The following JAK2 variants were observed in gnomAD, a reference collection of about 807,000 sequenced individuals.
JAK2 encodes the protein Janus kinase 2.
JAK2 carries 86 observed loss-of-function variants against 139.3 expected under a neutral mutation model. The ratio of observed to expected loss-of-function variants is 0.62; its 90% CI spans 0.52 to 0.74. The LOEUF (loss-of-function observed/expected upper bound fraction) is 0.74, where lower values mean the gene tolerates loss of function less well. JAK2 is among the 30% of genes least tolerant of loss of function. JAK2 has a pLI of 0.00. For synonymous variants in JAK2, 490 were observed against 437.7 expected, an observed-to-expected ratio of 1.12 and a Z score of -1.49; for missense variants, 1,421 against 1,360.3, an observed-to-expected ratio of 1.04 and a Z score of -0.70.
At chr9:5,110,692 A>T in intron 22 of JAK2, 1 of 333,034 alleles carries the variant, frequency 3.0e-6, no homozygotes, top group Non-Finnish European at 5.9e-6. Context: ...AGCCCTTTCT[A>T]TTACTCTTAC....
chr9:5,021,497 G>C (rs1822426656), intron 2 of JAK2, among the ~76,000 whole-genome samples: 1 of 152,324 alleles, frequency 6.6e-6, no homozygotes, highest in East Asian at 1.9e-4. Flanking sequence ...TTCTTGCATT[G>C]TGCTTTGTAT....
At chr9:5,114,426 T>G (rs1262749917) in intron 22 of JAK2, 1 of 493,610 alleles carries the variant, frequency 2.0e-6, no homozygotes, top group Non-Finnish European at 4.0e-6. Context: ...GGGGGAGACC[T>G]ACCAGTGCAG....
intron 19 of JAK2, among the ~76,000 whole-genome samples, chr9:5,087,638 G>T (rs1171582576): frequency 6.6e-6 from 1 of 152,152 alleles, no homozygotes; most frequent in African/African-American, 2.4e-5. Flanking sequence ...AAGTGACAAG[G>T]ATTTAGAAAA....
chr9:5,029,659 ACTG>A (rs1466003455), intron 3 of JAK2, 121 bp from the exon 4 acceptor site: 10 of 777,590 alleles, frequency 1.3e-5, no homozygotes, highest in African/African-American at 5.3e-5. Context: ...AAAGATTTCG[ACTG>A]CTATTACATT....
At chr9:5,103,196 G>GAAGATCTACCAAGC (rs1821659095) in intron 22 of JAK2, among the ~76,000 whole-genome samples, 1 of 84,008 alleles carries the variant, frequency 1.2e-5, no homozygotes, top group Admixed American at 1.7e-4. Context: ...AGGGATGGAG[G>GAAGATCTACCAAGC]AAGATCTACC....
chr9:5,070,163 T>C (rs1818860136), intron 12 of JAK2, 111 bp downstream of exon 12: 7 of 658,060 alleles, frequency 1.1e-5, no homozygotes, highest in African/African-American at 1.9e-5. Context: ...ACAAATTTAG[T>C]TGTGATTTAA....
chr9:5,026,042 A>G (rs935738408), intron 3 of JAK2, among the ~76,000 whole-genome samples: 17 of 152,044 alleles, frequency 1.1e-4, no homozygotes, highest in African/African-American at 4.1e-4. Flanking sequence ...ACAAAGATCT[A>G]TTTTGCAAAG....
intron 22 of JAK2, chr9:5,094,180 G>A (rs1820800289): frequency 6.6e-6 from 1 of 151,966 alleles, no homozygotes. Context: ...TTACGCAAAG[G>A]ACCTGATACC....
At chr9:5,009,236 C>T (rs145716979) in intron 2 of JAK2, among the ~76,000 whole-genome samples, 6 of 151,988 alleles carry the variant, frequency 3.9e-5, no homozygotes, top group Non-Finnish European at 5.9e-5. Context: ...AAGGAGAGAA[C>T]GATCCATTTA....
chr9:5,127,602 G>A lies in JAK2; in HGVS notation c.*811G>A. On this transcript the variant is annotated 3_prime_UTR_variant, in exon 25 of 25. Coordinates refer to ENST00000381652, the MANE Select transcript of JAK2 (RefSeq NM_004972.4). ...CTCCAAATTTTTCTAAGACTACTAT[G>A]AACAGTTTTCTTTTAAAATTTTGAG... 4.3e-6 allele frequency: 1 copy of A among 231,672 alleles called. No individual in the cohort carries two copies. The highest frequency in any genetic ancestry group is 6.1e-5 in the East Asian group (1 of 16,434). 14.4% of individuals were successfully genotyped at this position (231,672 alleles called of 1,614,324 possible).
rs192262223 is a variant in JAK2, at chr9:5,101,889, A to C, written c.3059+10978A>C. On this transcript the variant is annotated intron_variant, in intron 22 of 24. Coordinates refer to ENST00000381652, the MANE Select transcript of JAK2 (RefSeq NM_004972.4). Reference sequence around the variant, plus strand: ...AAAAGGGCATCCACACCAAAACCCCATCTGTAGGTTACCAGCACCAAAGAC... The same window carrying C: ...AAAAGGGCATCCACACCAAAACCCCCTCTGTAGGTTACCAGCACCAAAGAC... 4.5e-3 allele frequency among the ~76,000 whole-genome samples: 686 copies of C among 152,344 alleles called. 7 individuals carry two copies. The highest frequency in any genetic ancestry group is 0.016 in the African/African-American group (657 of 41,576).
intron 5 of JAK2, among the ~76,000 whole-genome samples, chr9:5,047,537 G>A (rs1817095651): frequency 6.6e-6 from 1 of 152,098 alleles, no homozygotes; most frequent in African/African-American, 2.4e-5. Context: ...CATGTTCTTG[G>A]CATCATTTCT....
intron 22 of JAK2, among the ~76,000 whole-genome samples, chr9:5,101,787 C>T (rs1821509556): frequency 6.6e-6 from 1 of 152,298 alleles, no homozygotes; most frequent in East Asian, 1.9e-4. Flanking sequence ...CAGCAAACTC[C>T]AAGAGACCTG....
chr9:5,094,895 A>G (rs1348849083), intron 22 of JAK2: 6 of 152,190 alleles, frequency 3.9e-5, no homozygotes, highest in South Asian at 4.1e-4. Context: ...TCCGAACAGC[A>G]TACCTCCAAT....
chr9:5,115,119 G>A (rs538399880), intron 22 of JAK2, among the ~76,000 whole-genome samples: 2 of 152,254 alleles, frequency 1.3e-5, no homozygotes, highest in African/African-American at 4.8e-5. Flanking sequence ...TGATCAGAGT[G>A]AACAGGCTAC....
At chr9:5,031,781 G>A (rs192648466) in intron 4 of JAK2, among the ~76,000 whole-genome samples, 3 of 152,312 alleles carry the variant, frequency 2.0e-5, no homozygotes. Flanking sequence ...GGAGGGTGGA[G>A]CCAAGATGAC....
intron 23 of JAK2, chr9:5,125,884 A>G (rs1823957583): frequency 1.3e-5 from 2 of 151,940 alleles, no homozygotes. Flanking sequence ...AATGATGTTT[A>G]AGTATTTTCC....
chr9:5,090,972 G>A (rs113357304), intron 22 of JAK2, 61 bp downstream of exon 22: 1 of 1,069,048 alleles, frequency 9.4e-7, no homozygotes, highest in South Asian at 1.7e-5. Flanking sequence ...CTTTATTGTT[G>A]TTATTTAATA....
intron 3 of JAK2, among the ~76,000 whole-genome samples, chr9:5,024,580 A>G (rs545492170): frequency 6.6e-6 from 1 of 152,088 alleles, no homozygotes; most frequent in East Asian, 1.9e-4. Context: ...CTACTCTCCA[A>G]TACATAGAAA....
Sources: gnomAD v4.1 joint callset for allele counts (sites outside exome capture counted in the v4.1 genomes callset) on GRCh38, gnomAD v4.1.1 for gene constraint, MANE v1.5 for transcripts, NCBI Gene and HGNC (gene_info 2026-07-23, HGNC 2026-07-21) for gene names.